CDH1: variants seen among roughly 807,000 people sequenced by gnomAD.
CDH1 encodes the protein cadherin 1.
A neutral mutation model predicts 84.5 loss-of-function variants in CDH1; 35 were observed. The ratio of observed to expected loss-of-function variants is 0.41; its 90% CI spans 0.32 to 0.55. The LOEUF is 0.55. Among genes scored for constraint, CDH1 ranks in the 20% least tolerant of loss-of-function variants. The probability of loss-of-function intolerance (pLI) is 0.19; values close to 1 mark genes in which losing one functional copy is unlikely to be tolerated. For missense variants in CDH1, 994 were observed against 1,126.6 expected (o/e 0.88, Z 1.68); for synonymous variants, 417 against 439.0 (o/e 0.95, Z 0.63).
chr16:68,792,643 C>T (rs2152123899), intron 2 of CDH1, among the ~76,000 whole-genome samples: 1 of 152,294 alleles, frequency 6.6e-6, no homozygotes, highest in East Asian at 1.9e-4. Flanking sequence ...CAAGCAGAAC[C>T]ATGGTTGGGA....
At chr16:68,759,988 A>G (rs547381911) in intron 2 of CDH1, among the ~76,000 whole-genome samples, 1 of 152,098 alleles carries the variant, frequency 6.6e-6, no homozygotes, top group African/African-American at 2.4e-5. Context: ...TGCAGCCCCT[A>G]AAATCCCCTT....
rs187320004 is a variant in CDH1 at position 68,773,057 on chromosome 16, T to G, written c.164-28613T>G. ...CTTGTGGAAATGGGTCTCTAAAGGG[T>G]TGTGGCTTGTTATAAGTGGTGGAAG... is the stretch of plus-strand genomic sequence containing the variant. On this transcript the variant is annotated intron_variant, in intron 2 of 15. Coordinates refer to ENST00000261769, the MANE Select transcript of CDH1 (RefSeq NM_004360.5). Among the ~76,000 whole-genome samples, 7 of 152,106 alleles carry G rather than the reference T, an allele frequency of 4.6e-5. No individual in the cohort carries two copies. The East Asian group carries it at 1.4e-3, about 29-fold the overall frequency.
chr16:68,777,075 A>G (rs889203572), intron 2 of CDH1, among the ~76,000 whole-genome samples: 4 of 152,160 alleles, frequency 2.6e-5, no homozygotes, highest in Admixed American at 6.5e-5. Flanking sequence ...TCTAAGCCTC[A>G]TATCATGAAC....
intron 2 of CDH1, among the ~76,000 whole-genome samples, chr16:68,747,750 T>TTCTC (rs10638856): frequency 0.55 from 83,669 of 150,814 alleles, 23,340 homozygotes; most frequent in Non-Finnish European, 0.6. Context: ...TATCTGTATG[T>TTCTC]TCTCTCTCTC....
intron 2 of CDH1, among the ~76,000 whole-genome samples, chr16:68,772,550 C>T (rs1218860612): frequency 6.6e-6 from 1 of 152,160 alleles, no homozygotes; most frequent in Non-Finnish European, 1.5e-5. Flanking sequence ...CTAACCCGCA[C>T]CGTATACAGA....
intron 10 of CDH1, among the ~76,000 whole-genome samples, chr16:68,818,704 G>A (rs1961052065): frequency 6.6e-6 from 1 of 151,276 alleles, no homozygotes; most frequent in Non-Finnish European, 1.5e-5. Context: ...AAAAAAATTA[G>A]CCGGGCGTGA....
chr16:68,765,646 T>A (rs1959353990), intron 2 of CDH1: 2 of 151,788 alleles, frequency 1.3e-5, no homozygotes, highest in Admixed American at 6.6e-5. Flanking sequence ...TGAGGGCTCC[T>A]GAGTTGTCTT....
At chr16:68,774,696 C>G (rs1173293008) in intron 2 of CDH1, among the ~76,000 whole-genome samples, 1 of 152,108 alleles carries the variant, frequency 6.6e-6, no homozygotes, top group Non-Finnish European at 1.5e-5. Context: ...GTTTAGTGCT[C>G]AAGCAGTGCT....
At chr16:68,778,411 C>G (rs1315975914) in intron 2 of CDH1, among the ~76,000 whole-genome samples, 2 of 152,090 alleles carry the variant, frequency 1.3e-5, no homozygotes, top group Non-Finnish European at 2.9e-5. Context: ...TTTTGAAATG[C>G]CAACAGGGAA....
Position 68,833,591 on chromosome 16 carries a change from A to T in CDH1, c.*92A>T. The T allele has an allele frequency of 1.0e-6, 1 of 968,814 alleles. No individual in the cohort carries two copies. Among genetic ancestry groups the T allele is most frequent in the Non-Finnish European group, 1.7e-6 (1 of 600,836 alleles). The allele number at this position is 968,814 out of a possible 1,614,324, so 60.0% of individuals were successfully genotyped here. A position where few individuals can be genotyped will look rare whatever the true frequency, so the allele number is the denominator to read the frequency against. ...TTTTCAGCTCCCTTCCCTTGAGATG[A>T]GTTTCTGGGGAAAAAAAAGAGACTG... On this transcript the variant is annotated 3_prime_UTR_variant, in exon 16 of 16. Transcript: ENST00000261769.
At position 68,808,768 on chromosome 16, in the gene CDH1, G is replaced by C. The variant is rs1215319435; in HGVS notation, c.607G>C (p.Gly203Arg). 1.2e-6 allele frequency: 2 copies of C among 1,614,056 alleles called. No individual in the cohort carries two copies. The highest frequency in any genetic ancestry group is 3.3e-5 in the Admixed American group (2 of 60,006). ...CCAAGGAGCTGACACACCCCCTGTT[G>C]GTGTCTTTATTATTGAAAGAGAAAC... ...TGQGADTPPV[G>R]VFIIERETGW... is the part of the protein sequence containing the mutation. The change falls in exon 5 of 16, where the codon GGT (glycine) becomes CGT (arginine). Residue 203 changes from glycine to arginine, a missense_variant. Physicochemically the swap from Gly to Arg is moderately radical, Grantham distance 125. This residue lies in a region of CDH1 where 769 missense variants were observed against 881.8 expected (regional missense o/e 0.87). Coordinates refer to ENST00000261769, the MANE Select transcript of CDH1 (RefSeq NM_004360.5).
chr16:68,828,993 G>A (rs953174684), intron 14 of CDH1, among the ~76,000 whole-genome samples: 1 of 152,076 alleles, frequency 6.6e-6, no homozygotes, highest in Non-Finnish European at 1.5e-5. Flanking sequence ...GTCTAGTTTG[G>A]GGATACCACG....
intron 10 of CDH1, among the ~76,000 whole-genome samples, chr16:68,818,869 A>AAT (rs1343218243): frequency 6.0e-5 from 9 of 149,176 alleles, no homozygotes; most frequent in Non-Finnish European, 1.3e-4. Flanking sequence ...AAAAAAAAAA[A>AAT]AGAAAGAAAG....
chr16:68,807,628 G>A (rs1376863426), intron 3 of CDH1, among the ~76,000 whole-genome samples: 1 of 152,124 alleles, frequency 6.6e-6, no homozygotes, highest in Non-Finnish European at 1.5e-5. Flanking sequence ...GTTCAAGGCT[G>A]CAGTGAGCTT....
At chr16:68,784,761 C>G (rs1320440303) in intron 2 of CDH1, among the ~76,000 whole-genome samples, 1 of 151,904 alleles carries the variant, frequency 6.6e-6, no homozygotes, top group African/African-American at 2.4e-5. Context: ...TTTGGTTTTC[C>G]ATTCCTGAGT....
chr16:68,829,959 C>CT (rs35566564), intron 15 of CDH1, among the ~76,000 whole-genome samples, 162 bp downstream of exon 15: 414 of 107,960 alleles, frequency 3.8e-3, no homozygotes, highest in East Asian at 0.014. Context: ...TTTTCTTTTT[C>CT]TTTTTTTTTT....
At chr16:68,781,998 A>G (rs1036320483) in intron 2 of CDH1, among the ~76,000 whole-genome samples, 4 of 152,194 alleles carry the variant, frequency 2.6e-5, no homozygotes, top group Admixed American at 2.0e-4. Context: ...AACTCCTTTC[A>G]TGGCCACAGA....
At position 68,828,335 on chromosome 16, in the gene CDH1, G is replaced by A. The variant is rs1961385143; in HGVS notation, c.2295+31G>A. On this transcript the variant is annotated intron_variant, in intron 14 of 15. Transcript: ENST00000261769. ...TTTTGAAAACCTTGGTAGCTCAGTG[G>A]TGATCTCTTTATTCGGAAGAAGCAA... 6 of 1,612,098 alleles carry A rather than the reference G, an allele frequency of 3.7e-6. No homozygotes were observed. In the East Asian group the frequency reaches 1.3e-4, roughly 36 times the overall value.
chr16:68,827,033 G>A (rs535500645), intron 13 of CDH1, among the ~76,000 whole-genome samples: 11 of 152,174 alleles, frequency 7.2e-5, no homozygotes, highest in African/African-American at 2.7e-4. Flanking sequence ...CACTTTGGGA[G>A]GCCCAGGTGG....
Sources: allele counts gnomAD v4.1 joint callset (sites outside exome capture counted in the v4.1 genomes callset), GRCh38; gene constraint gnomAD v4.1.1; regional missense constraint gnomAD v4.1.1; transcripts MANE v1.5; gene names NCBI Gene and HGNC (gene_info 2026-07-23, HGNC 2026-07-21).